LHCGR: variants seen among roughly 807,000 people sequenced by gnomAD.
The protein encoded by LHCGR is luteinizing hormone/choriogonadotropin receptor, also known as lutropin-choriogonadotropic hormone receptor.
Under a neutral mutation model 60.7 loss-of-function variants are expected in LHCGR, and 55 were observed. The ratio of observed to expected loss-of-function variants is 0.91; its 90% CI spans 0.73 to 1.13. LHCGR has a LOEUF of 1.13. LHCGR is among the 50% of genes most tolerant of loss of function. LHCGR has a pLI of 0.00. For missense variants in LHCGR, 862 were observed against 836.0 expected (o/e 1.03, Z -0.38); for synonymous variants, 337 against 316.5 (o/e 1.06, Z -0.69).
At chr2:48,710,764 G>A (rs1484147373) in intron 7 of LHCGR, among the ~76,000 whole-genome samples, 1 of 152,212 alleles carries the variant, frequency 6.6e-6, no homozygotes, top group Non-Finnish European at 1.5e-5. Flanking sequence ...GCCTTAGTAA[G>A]TCAGGTGTTT....
intron 9 of LHCGR, 90 bp from the exon 10 acceptor site, chr2:48,694,394 A>G: frequency 6.4e-6 from 5 of 782,414 alleles, no homozygotes; most frequent in Non-Finnish European, 1.1e-5. Context: ...GTTCATGCAA[A>G]TTCTTTACCT....
chr2:48,725,729 A>AT lies in LHCGR; in HGVS notation c.329dup (p.Asn110LysfsTer6), dbSNP rs761096575. On this transcript the variant is annotated frameshift_variant, in exon 4 of 11. Coordinates refer to ENST00000294954, the MANE Select transcript of LHCGR (RefSeq NM_000233.4). LOFTEE classifies it high-confidence loss of function. ...ATGCTCCGGGCTCAATGTATCTCAGATTTTTGGTGTTCTGGATCAGTCTGT... is the reference window on the plus strand; with the variant it reads ...ATGCTCCGGGCTCAATGTATCTCAGATTTTTTGGTGTTCTGGATCAGTCTGT... The AT allele has an allele frequency of 2.5e-6, 4 of 1,612,896 alleles. No individual in the cohort carries two copies. In the Admixed American group the frequency reaches 6.7e-5, roughly 27 times the overall value.
intron 1 of LHCGR, among the ~76,000 whole-genome samples, chr2:48,754,434 G>C (rs1010011101): frequency 6.6e-6 from 1 of 152,036 alleles, no homozygotes; most frequent in African/African-American, 2.4e-5. Context: ...AGATACTCTT[G>C]TCTTTTGTCT....
intron 1 of LHCGR, among the ~76,000 whole-genome samples, chr2:48,735,478 T>C (rs955770654): frequency 5.9e-5 from 9 of 152,224 alleles, no homozygotes; most frequent in African/African-American, 2.2e-4. Flanking sequence ...TCTTAGTTCC[T>C]GCCTTCTCTT....
intron 7 of LHCGR, 47 bp from the exon 8 acceptor site, chr2:48,709,069 A>G: frequency 7.0e-7 from 1 of 1,438,294 alleles, no homozygotes; most frequent in Non-Finnish European, 9.8e-7. Flanking sequence ...CCTCATGTGT[A>G]AGCATTCGTA....
intron 4 of LHCGR, 102 bp from the exon 5 acceptor site, chr2:48,723,798 A>G: frequency 1.2e-6 from 1 of 828,104 alleles, no homozygotes; most frequent in Non-Finnish European, 2.1e-6. Context: ...TTTTGCAAAT[A>G]CAACTTTCAC....
chr2:48,688,781 T>C lies in LHCGR; in HGVS notation c.1016A>G (p.Lys339Arg), dbSNP rs768161067. 2 of 1,614,156 alleles carry C rather than the reference T, an allele frequency of 1.2e-6. No individual in the cohort carries two copies. Among genetic ancestry groups the C allele is most frequent in the Non-Finnish European group, 1.7e-6 (2 of 1,180,022 alleles). The change falls in exon 11 of 11, where the codon AAG becomes AGG. Residue 339 changes from lysine to arginine, a missense_variant. By Grantham distance (26) the Lys-to-Arg change is conservative. Coordinates refer to ENST00000294954, the MANE Select transcript of LHCGR (RefSeq NM_000233.4). The surrounding 1 kb of genome is among the most constrained non-coding windows in gnomAD (Gnocchi z 5.2). Reference sequence around the variant, plus strand: ...TGGTTCAGGAGCACATCGGGGTGTCTTGGGTAAGCAGAAACCATATTCATA... The same window carrying C: ...TGGTTCAGGAGCACATCGGGGTGTCCTGGGTAAGCAGAAACCATATTCATA... ...WDYEYGFCLP[K>R]TPRCAPEPDA...
Position 48,713,976 on chromosome 2 carries a change from A to C in LHCGR, c.605+10T>G. ...TTATTCCTGAGCTGGGGAAATAAGC[A>C]AATACTTACAGTGAAGTCAGTGTCG... On this transcript the variant is annotated intron_variant, in intron 7 of 10. Coordinates refer to ENST00000294954, the MANE Select transcript of LHCGR (RefSeq NM_000233.4). The C allele has an allele frequency of 6.3e-7, 1 of 1,583,508 alleles. No individual in the cohort carries two copies. The highest frequency in any genetic ancestry group is 8.7e-7 in the Non-Finnish European group (1 of 1,152,116).
intron 6 of LHCGR, among the ~76,000 whole-genome samples, chr2:48,722,845 T>A (rs1407172612): frequency 6.6e-6 from 1 of 152,190 alleles, no homozygotes; most frequent in East Asian, 1.9e-4. Flanking sequence ...AGATCATGGC[T>A]CATAGTTTGA....
chr2:48,749,720 TAAAA>T (rs35333492), intron 1 of LHCGR, among the ~76,000 whole-genome samples: 1 of 129,966 alleles, frequency 7.7e-6, no homozygotes, highest in Non-Finnish European at 1.7e-5. Flanking sequence ...CTTTTGAAAT[TAAAA>T]AAAAAAAAAA....
chr2:48,727,609 G>C (rs1429824397), intron 3 of LHCGR, among the ~76,000 whole-genome samples: 1 of 152,242 alleles, frequency 6.6e-6, no homozygotes, highest in African/African-American at 2.4e-5. Flanking sequence ...TAAAACTGCA[G>C]CTTTCCAGGT....
chr2:48,716,766 C>T (rs1334921727), intron 6 of LHCGR, among the ~76,000 whole-genome samples: 1 of 152,110 alleles, frequency 6.6e-6, no homozygotes, highest in African/African-American at 2.4e-5. Flanking sequence ...ATAGCAGTCT[C>T]TTTTAGATAA....
chr2:48,747,557 C>G (rs945424115), intron 1 of LHCGR, among the ~76,000 whole-genome samples: 3 of 152,172 alleles, frequency 2.0e-5, no homozygotes, highest in Admixed American at 1.3e-4. Context: ...GCTGACTGAG[C>G]AGATCGATTC....
intron 1 of LHCGR, among the ~76,000 whole-genome samples, chr2:48,742,160 G>C (rs369514083): frequency 2.0e-5 from 3 of 151,734 alleles, no homozygotes; most frequent in Non-Finnish European, 4.4e-5. Context: ...AATATATATG[G>C]ACCCAATACA....
At chr2:48,693,130 G>T (rs1448219704) in intron 10 of LHCGR, among the ~76,000 whole-genome samples, 1 of 152,144 alleles carries the variant, frequency 6.6e-6, no homozygotes. Context: ...TACACAGAAG[G>T]TTGCTGATAG....
chr2:48,701,730 G>A (rs1345709436), intron 8 of LHCGR, among the ~76,000 whole-genome samples: 1 of 152,182 alleles, frequency 6.6e-6, no homozygotes, highest in East Asian at 1.9e-4. Flanking sequence ...GAAGGCAGAA[G>A]TGTTTGTCTC....
intron 9 of LHCGR, among the ~76,000 whole-genome samples, chr2:48,694,679 T>A (rs1667030982): frequency 1.3e-5 from 2 of 152,324 alleles, no homozygotes; most frequent in Middle Eastern, 6.8e-3. Flanking sequence ...ATAGTCATTC[T>A]GTGTTCATGG....
chr2:48,748,025 G>A (rs1428943313), intron 1 of LHCGR, among the ~76,000 whole-genome samples: 1 of 152,140 alleles, frequency 6.6e-6, no homozygotes, highest in Non-Finnish European at 1.5e-5. Flanking sequence ...TAGAGAATGA[G>A]CCTTAAAACA....
chr2:48,735,012 CT>C (rs1198069564), intron 1 of LHCGR, among the ~76,000 whole-genome samples: 1 of 152,174 alleles, frequency 6.6e-6, no homozygotes, highest in African/African-American at 2.4e-5. Context: ...TTTTCACAGT[CT>C]TTTTTGCAGT....
Sources: allele counts gnomAD v4.1 joint callset (sites outside exome capture counted in the v4.1 genomes callset), GRCh38; gene constraint gnomAD v4.1.1; non-coding constraint Gnocchi (gnomAD v3.1); transcripts MANE v1.5; gene names NCBI Gene and HGNC (gene_info 2026-07-23, HGNC 2026-07-21).